DYNC2H1: variants seen among roughly 807,000 people sequenced by gnomAD.
The protein encoded by DYNC2H1 is dynein cytoplasmic 2 heavy chain 1, also known as cytoplasmic dynein 2 heavy chain 1.
Under a neutral mutation model 570.0 loss-of-function variants are expected in DYNC2H1, and 410 were observed. The ratio of observed to expected loss-of-function variants is 0.72; its 90% CI spans 0.66 to 0.78. DYNC2H1 has a LOEUF of 0.78. Ranked by LOEUF, DYNC2H1 falls within the 30% of genes least tolerant of loss-of-function variation. DYNC2H1 has a pLI of 0.00. For synonymous variants in DYNC2H1, 1,688 were observed against 1,677.6 expected, an observed-to-expected ratio of 1.01 and a Z score of -0.15; for missense variants, 4,865 against 5,046.4, an observed-to-expected ratio of 0.96 and a Z score of 1.09.
intron 85 of DYNC2H1, among the ~76,000 whole-genome samples, chr11:103,441,786 A>G (rs770635871): frequency 6.6e-6 from 1 of 152,100 alleles, no homozygotes; most frequent in Non-Finnish European, 1.5e-5. Context: ...TATCATTTGA[A>G]GTGTTTTATT....
rs555171814 is a variant in DYNC2H1 at position 103,319,567 on chromosome 11, T to C, written c.11726-1462T>C. ...TTAATATGTGGAGTTAAGCTATCAGTAATTGTTGGCTGTTATTATTGCTAT... is the reference window on the plus strand; with the variant it reads ...TTAATATGTGGAGTTAAGCTATCAGCAATTGTTGGCTGTTATTATTGCTAT... On this transcript the variant is annotated intron_variant, in intron 80 of 88. Transcript: ENST00000375735. The surrounding 1 kb of genome is among the most constrained non-coding windows in gnomAD (Gnocchi z 4.3). 1.3e-5 allele frequency among the ~76,000 whole-genome samples: 2 copies of C among 152,310 alleles called. No individual in the cohort carries two copies. The highest frequency in any genetic ancestry group is 4.8e-5 in the African/African-American group (2 of 41,598).
intron 85 of DYNC2H1, among the ~76,000 whole-genome samples, 165 bp downstream of exon 85, chr11:103,436,197 A>ATTTT (rs140294172): frequency 3.2e-4 from 46 of 145,132 alleles, no homozygotes; most frequent in African/African-American, 1.0e-3. Context: ...GCACTGTTCT[A>ATTTT]TTTTTTTTTT....
At chr11:103,115,740 C>T (rs1439225103) in intron 4 of DYNC2H1, among the ~76,000 whole-genome samples, 1 of 151,964 alleles carries the variant, frequency 6.6e-6, no homozygotes, top group Non-Finnish European at 1.5e-5. Context: ...GAGCGGAGAT[C>T]GTGCCATTGC....
rs749681136 is a variant in DYNC2H1 at position 103,161,049 on chromosome 11, G to A, written c.4491+5G>A. On this transcript the variant is annotated splice_donor_5th_base_variant and intron_variant, in intron 29 of 88. Transcript: ENST00000375735. ...CCTCTATCAAATAATGTAGAGGTAA[G>A]CAATTCTTTTTCAAATATGAAAACA... 7.3e-6 allele frequency: 10 copies of A among 1,370,668 alleles called. No individual in the cohort carries two copies. Among genetic ancestry groups the A allele is most frequent in the Non-Finnish European group, 8.8e-6 (9 of 1,021,566 alleles). The allele number at this position is 1,370,668 out of a possible 1,614,324, so 84.9% of individuals were successfully genotyped here. A position where few individuals can be genotyped will look rare whatever the true frequency, so the allele number is the denominator to read the frequency against.
intron 47 of DYNC2H1, among the ~76,000 whole-genome samples, chr11:103,197,033 A>G (rs1165115297): frequency 6.6e-6 from 1 of 152,096 alleles, no homozygotes; most frequent in African/African-American, 2.4e-5. Flanking sequence ...GTTCAATAGA[A>G]TGATGAATAG....
chr11:103,283,322 C>T (rs1866218365), intron 73 of DYNC2H1, among the ~76,000 whole-genome samples: 1 of 152,068 alleles, frequency 6.6e-6, no homozygotes, highest in Non-Finnish European at 1.5e-5. Flanking sequence ...TCTCCCTTCC[C>T]ACCCCAGCCA....
At chr11:103,251,560 A>G (rs1864833933) in intron 65 of DYNC2H1, among the ~76,000 whole-genome samples, 1 of 151,964 alleles carries the variant, frequency 6.6e-6, no homozygotes. Context: ...GCTAAACTCT[A>G]CTCCTTTAGC....
intron 84 of DYNC2H1, chr11:103,408,491 T>C (rs769129060): frequency 1.3e-5 from 2 of 152,038 alleles, no homozygotes; most frequent in African/African-American, 2.4e-5. Flanking sequence ...TTGATTGAGA[T>C]AGTATCATCT....
At chr11:103,193,340 A>G (rs979277292) in intron 47 of DYNC2H1, among the ~76,000 whole-genome samples, 1 of 152,112 alleles carries the variant, frequency 6.6e-6, no homozygotes, top group South Asian at 2.1e-4. Context: ...CAGTCTGAAA[A>G]TTGAGTCAGT....
chr11:103,226,221 T>TTGTTCTGGCTAGAACTTACAGTGC (rs1325154299), intron 59 of DYNC2H1, among the ~76,000 whole-genome samples: 2 of 152,202 alleles, frequency 1.3e-5, no homozygotes, highest in Non-Finnish European at 2.9e-5. Flanking sequence ...TCTTGTCTGA[T>TTGTTCTGGCTAGAACTTACAGTGC]TGTTCTGGCT....
intron 15 of DYNC2H1, 89 bp from the exon 16 acceptor site, chr11:103,135,406 A>G (rs1374517012): frequency 1.7e-6 from 2 of 1,208,220 alleles, no homozygotes; most frequent in Non-Finnish European, 2.2e-6. Flanking sequence ...TGTGATTATA[A>G]TTGTGCATTA....
In DYNC2H1 at chr11:103,395,492, TACACACACAC is replaced by T. The variant is rs35986938; in HGVS notation, c.12157-4156_12157-4147del. Among the ~76,000 whole-genome samples, 2 of 149,846 alleles carry T rather than the reference TACACACACAC, an allele frequency of 1.3e-5. No individual in the cohort carries two copies. Among genetic ancestry groups the T allele is most frequent in the African/African-American group, 4.9e-5 (2 of 40,704 alleles). On this transcript the variant is annotated intron_variant, in intron 83 of 88. Transcript: ENST00000375735. This position sits in a 1 kb window ranked among gnomAD's most constrained non-coding sequence, Gnocchi z 4.3. Reference sequence around the variant, plus strand: ...TATCATATATATATTTATGTATATGTACACACACACACACACACACACACTTCTCTGTATT... The same window carrying T: ...TATCATATATATATTTATGTATATGTACACACACACACACTTCTCTGTATT...
At position 103,209,989 on chromosome 11, in the gene DYNC2H1, T is replaced by G; in HGVS notation, c.8539+29T>G. The G allele has an allele frequency of 7.0e-7, 1 of 1,428,454 alleles. No individual in the cohort carries two copies. Among genetic ancestry groups the G allele is most frequent in the Non-Finnish European group, 9.2e-7 (1 of 1,089,878 alleles). The allele number at this position is 1,428,454 out of a possible 1,614,324, so 88.5% of individuals were successfully genotyped here. A position where few individuals can be genotyped will look rare whatever the true frequency, so the allele number is the denominator to read the frequency against. On this transcript the variant is annotated intron_variant, in intron 53 of 88. Coordinates refer to ENST00000375735, the MANE Select transcript of DYNC2H1 (RefSeq NM_001377.3). The surrounding 1 kb of genome is among the most constrained non-coding windows in gnomAD (Gnocchi z 4.2). Reference sequence around the variant, plus strand: ...GTATTTTGATAAAATCAGTTTGATCTGGTTTTTATTTATGAAATAATTGCC... The same window carrying G: ...GTATTTTGATAAAATCAGTTTGATCGGGTTTTTATTTATGAAATAATTGCC...
intron 84 of DYNC2H1, chr11:103,404,245 T>G (rs1942769341): frequency 6.6e-6 from 1 of 151,760 alleles, no homozygotes; most frequent in Non-Finnish European, 1.5e-5. Context: ...TATCAAGAAA[T>G]TCATAGAGGT....
At chr11:103,152,611 T>C (rs1053407020) in intron 21 of DYNC2H1, among the ~76,000 whole-genome samples, 1 of 152,164 alleles carries the variant, frequency 6.6e-6, no homozygotes, top group Non-Finnish European at 1.5e-5. Context: ...TATTAGGATA[T>C]CAGTTTAACT....
chr11:103,372,218 C>T (rs768185462), intron 83 of DYNC2H1, among the ~76,000 whole-genome samples: 8 of 151,568 alleles, frequency 5.3e-5, no homozygotes, highest in Non-Finnish European at 8.8e-5. Context: ...CTAGTTTGAC[C>T]ATGTTGTCTA....
At position 103,145,254 on chromosome 11, in the gene DYNC2H1, T is replaced by C; in HGVS notation, c.2702+1859T>C. Among the ~76,000 whole-genome samples, 1 of 152,154 alleles carries C rather than the reference T, an allele frequency of 6.6e-6. No homozygotes were observed. Among genetic ancestry groups the C allele is most frequent in the Non-Finnish European group, 1.5e-5 (1 of 68,024 alleles). ...AAATAGTATGAGGAATTAAGTTTTA[T>C]TTATTGGAGGAAGATGAGGGATTAG... On this transcript the variant is annotated intron_variant, in intron 18 of 88. Transcript: ENST00000375735. This position sits in a 1 kb window ranked among gnomAD's most constrained non-coding sequence, Gnocchi z 4.2.
At chr11:103,391,542 A>C (rs1280056097) in intron 83 of DYNC2H1, among the ~76,000 whole-genome samples, 1 of 152,182 alleles carries the variant, frequency 6.6e-6, no homozygotes, top group African/African-American at 2.4e-5. Flanking sequence ...GCTGGTAAGG[A>C]GCTGTGTTCC....
intron 82 of DYNC2H1, among the ~76,000 whole-genome samples, chr11:103,344,788 A>C (rs1376079304): frequency 3.9e-5 from 6 of 152,200 alleles, no homozygotes; most frequent in Non-Finnish European, 8.8e-5. Context: ...TATACAAAAG[A>C]ATATATGTAA....
Sources: gnomAD v4.1 joint callset for allele counts (sites outside exome capture counted in the v4.1 genomes callset) on GRCh38, gnomAD v4.1.1 for gene constraint, Gnocchi (gnomAD v3.1) non-coding constraint, MANE v1.5 for transcripts, NCBI Gene and HGNC (gene_info 2026-07-23, HGNC 2026-07-21) for gene names.